AIMP1: variants seen among roughly 807,000 people sequenced by gnomAD.
AIMP1 encodes the protein aminoacyl tRNA synthase complex-interacting multifunctional protein 1.
Under a neutral mutation model 33.1 loss-of-function variants are expected in AIMP1, and 24 were observed. The observed-to-expected ratio is 0.73, with a 90% CI of 0.53 to 1.02. The LOEUF is 1.02. Among genes scored for constraint, AIMP1 ranks in the 50% least tolerant of loss-of-function variants. AIMP1 has a pLI of 0.00. For synonymous variants in AIMP1, 120 were observed against 121.5 expected (o/e 0.99, Z 0.08); for missense variants, 367 against 364.8 (o/e 1.01, Z -0.05).
At chr4:106,330,243 C>T (rs10433894) in intron 4 of AIMP1, among the ~76,000 whole-genome samples, 1 of 151,910 alleles carries the variant, frequency 6.6e-6, no homozygotes, top group African/African-American at 2.4e-5. Flanking sequence ...CTAGGAAGTA[C>T]ATTAGAGTTT....
At chr4:106,322,869 G>A (rs574371932) in intron 1 of AIMP1, among the ~76,000 whole-genome samples, 4 of 151,882 alleles carry the variant, frequency 2.6e-5, no homozygotes, top group African/African-American at 4.8e-5. Flanking sequence ...CTGTAATCCC[G>A]GCTATTTGGG....
intron 5 of AIMP1, among the ~76,000 whole-genome samples, chr4:106,335,558 C>T (rs1397034506): frequency 2.6e-5 from 4 of 152,124 alleles, no homozygotes; most frequent in Non-Finnish European, 4.4e-5. Flanking sequence ...TCATAGCTAT[C>T]GTCAGATCCT....
At chr4:106,346,635 C>G (rs923498128) in intron 6 of AIMP1, among the ~76,000 whole-genome samples, 1 of 151,904 alleles carries the variant, frequency 6.6e-6, no homozygotes, top group Non-Finnish European at 1.5e-5. Flanking sequence ...CTAGAGAAAC[C>G]CAAAATTTAA....
At chr4:106,327,708 TG>T (rs1403849151) in intron 3 of AIMP1, 144 bp downstream of exon 3, 2 of 640,482 alleles carry the variant, frequency 3.1e-6, no homozygotes, top group Non-Finnish European at 5.5e-6. Flanking sequence ...ATCAATAAAA[TG>T]GGGGCATGGA....
At chr4:106,334,643 G>A (rs541927202) in intron 5 of AIMP1, among the ~76,000 whole-genome samples, 328 of 152,206 alleles carry the variant, frequency 2.2e-3, no homozygotes, top group South Asian at 0.017. Flanking sequence ...TTACCAAGGT[G>A]TAAGTAAATA....
chr4:106,334,760 G>A (rs1469100647), intron 5 of AIMP1, among the ~76,000 whole-genome samples: 2 of 152,100 alleles, frequency 1.3e-5, no homozygotes, highest in Non-Finnish European at 2.9e-5. Context: ...GCCCAGGGAA[G>A]ACCTCAAAAA....
intron 5 of AIMP1, among the ~76,000 whole-genome samples, chr4:106,333,405 G>A (rs776936501): frequency 5.9e-5 from 9 of 152,108 alleles, no homozygotes; most frequent in Admixed American, 1.3e-4. Flanking sequence ...AACACAGTAC[G>A]GGTAATGGAT....
Position 106,329,042 on chromosome 4 carries a change from C to CTT in AIMP1, c.391+815_391+816dup, listed in dbSNP as rs33975641. On this transcript the variant is annotated intron_variant, in intron 4 of 6. Coordinates refer to ENST00000672341, the MANE Select transcript of AIMP1 (RefSeq NM_001142416.2). ...TTCTCATTATACTTAAACTTATTTA[C>CTT]TTTTTTTTTTTTTTTTTGGAAAATA... is the stretch of plus-strand genomic sequence containing the variant. Among the ~76,000 whole-genome samples the CTT allele has an allele frequency of 5.9e-3, 808 of 136,810 alleles. 10 individuals are homozygous for CTT. Among genetic ancestry groups the CTT allele is most frequent in the African/African-American group, 0.019 (727 of 37,374 alleles). 89.8% of individuals were successfully genotyped at this position (136,810 alleles called of 152,430 possible). A position where few individuals can be genotyped will look rare whatever the true frequency, so the allele number is the denominator to read the frequency against.
At chr4:106,321,046 T>C (rs1328052306) in intron 1 of AIMP1, among the ~76,000 whole-genome samples, 1 of 152,220 alleles carries the variant, frequency 6.6e-6, no homozygotes, top group African/African-American at 2.4e-5. Flanking sequence ...GCTCACTCAG[T>C]GCTCAATGTT....
At chr4:106,326,455 A>G (rs1276994260) in intron 2 of AIMP1, among the ~76,000 whole-genome samples, 1 of 152,166 alleles carries the variant, frequency 6.6e-6, no homozygotes, top group Non-Finnish European at 1.5e-5. Flanking sequence ...AGATTTTCAA[A>G]ATCCTACCTA....
intron 1 of AIMP1, among the ~76,000 whole-genome samples, chr4:106,316,967 C>T (rs1768950514): frequency 1.3e-5 from 2 of 152,160 alleles, no homozygotes; most frequent in African/African-American, 4.8e-5. Context: ...ATTCCAGACA[C>T]CGTTCTAGGC....
Position 106,347,709 on chromosome 4 carries a change from A to G in AIMP1, c.*17A>G, listed in dbSNP as rs185429433. 8.1e-3 allele frequency: 13,089 copies of G among 1,610,268 alleles called. 68 individuals carry two copies. The highest frequency in any genetic ancestry group is 0.01 in the Non-Finnish European group (12,080 of 1,178,048). On this transcript the variant is annotated 3_prime_UTR_variant, in exon 7 of 7. Coordinates refer to ENST00000672341, the MANE Select transcript of AIMP1 (RefSeq NM_001142416.2). ...ATCAAATAAAATGCTTCCACTACCA[A>G]AAGACATTAGAGAAAACCTTAAAAG...
At chr4:106,316,865 T>A in intron 1 of AIMP1, 1 of 421,140 alleles carries the variant, frequency 2.4e-6, no homozygotes, top group South Asian at 4.3e-5. Flanking sequence ...GTTATGTGAA[T>A]GTGTGTGTCA....
chr4:106,315,990 GC>G (rs1768802842), upstream of AIMP1: 1 of 152,834 alleles, frequency 6.5e-6, no homozygotes, highest in Non-Finnish European at 1.5e-5. Flanking sequence ...TCTACACAGG[GC>G]CCCAGCGCTG....
chr4:106,328,045 A>G, intron 3 of AIMP1, 31 bp from the exon 4 acceptor site: 1 of 1,607,566 alleles, frequency 6.2e-7, no homozygotes, highest in Non-Finnish European at 8.5e-7. Context: ...TTGGTTTAAT[A>G]TGAATGACAT....
In AIMP1 at chr4:106,349,192, C is replaced by T. The variant is rs977358868; in HGVS notation, c.*1500C>T. The stretch of plus-strand genomic sequence containing the variant: ...AAGTTACTTTGTTCTCAAGATATGT[C>T]ATTCTTTTGGGAATAAATACTTCTG... On this transcript the variant is annotated 3_prime_UTR_variant, in exon 7 of 7. Transcript: ENST00000672341. The T allele has an allele frequency of 1.8e-4, 27 of 151,938 alleles. No individual in the cohort carries two copies. The highest frequency in any genetic ancestry group is 6.0e-4 in the African/African-American group (25 of 41,394). 9.4% of individuals were successfully genotyped at this position (151,938 alleles called of 1,614,324 possible).
At chr4:106,341,892 A>G (rs886853954) in intron 6 of AIMP1, among the ~76,000 whole-genome samples, 4 of 152,172 alleles carry the variant, frequency 2.6e-5, no homozygotes, top group East Asian at 3.8e-4. Context: ...CAGTAAGGCA[A>G]TTTTAACAAT....
At chr4:106,341,749 T>A (rs776980000) in intron 6 of AIMP1, among the ~76,000 whole-genome samples, 2 of 152,052 alleles carry the variant, frequency 1.3e-5, no homozygotes, top group African/African-American at 2.4e-5. Flanking sequence ...TTCTTTTTGC[T>A]TAGAATTATT....
At chr4:106,344,448 A>T (rs1242370824) in intron 6 of AIMP1, among the ~76,000 whole-genome samples, 3 of 152,104 alleles carry the variant, frequency 2.0e-5, no homozygotes, top group Non-Finnish European at 4.4e-5. Context: ...CTCCTCAGAA[A>T]ATCCTAGTGG....
Sources: gnomAD v4.1 joint callset for allele counts (sites outside exome capture counted in the v4.1 genomes callset) on GRCh38, gnomAD v4.1.1 for gene constraint, MANE v1.5 for transcripts, NCBI Gene and HGNC (gene_info 2026-07-23, HGNC 2026-07-21) for gene names.